OR4N2: variants seen among roughly 807,000 people sequenced by gnomAD.
The protein encoded by OR4N2 is olfactory receptor family 4 subfamily N member 2.
For missense variants in OR4N2, 307 were observed against 377.6 expected, an observed-to-expected ratio of 0.81 and a Z score of 1.55; for synonymous variants, 141 against 140.4, an observed-to-expected ratio of 1.00 and a Z score of -0.03.
chr14:19,815,446 T>A (rs1193033138), intron 1 of OR4N2, among the ~76,000 whole-genome samples: 1 of 152,244 alleles, frequency 6.6e-6, no homozygotes, highest in Non-Finnish European at 1.5e-5. Flanking sequence ...TTTTTTCATA[T>A]GTTTGTTGGC....
At chr14:19,810,178 G>A (rs987852550) in intron 1 of OR4N2, among the ~76,000 whole-genome samples, 2 of 152,186 alleles carry the variant, frequency 1.3e-5, no homozygotes, top group Non-Finnish European at 2.9e-5. Flanking sequence ...TAAAAATTGG[G>A]CAAAGGACAT....
At chr14:19,815,345 C>A (rs977520024) in intron 1 of OR4N2, among the ~76,000 whole-genome samples, 3 of 152,304 alleles carry the variant, frequency 2.0e-5, no homozygotes, top group Non-Finnish European at 4.4e-5. Flanking sequence ...TGTTTCCTGA[C>A]CTTTTAATGA....
chr14:19,830,080 C>T lies in OR4N2; in HGVS notation c.*1708C>T, dbSNP rs1228898350. The T allele has an allele frequency of 6.5e-6, 1 of 152,732 alleles. No individual in the cohort carries two copies. The highest frequency in any genetic ancestry group is 6.5e-5 in the Admixed American group (1 of 15,290). The allele number at this position is 152,732 out of a possible 1,614,324, so 9.5% of individuals were successfully genotyped here. ...ACCCTTCCACCTGTGCACCAGATTCCATCCCCCTCCTCTCTACTAAAGGCA... is the reference window on the plus strand; with the variant it reads ...ACCCTTCCACCTGTGCACCAGATTCTATCCCCCTCCTCTCTACTAAAGGCA... On this transcript the variant is annotated 3_prime_UTR_variant, in exon 2 of 2. Coordinates refer to ENST00000557677, the MANE Select transcript of OR4N2 (RefSeq NM_001004723.3).
At chr14:19,817,983 T>A (rs539653828) in intron 1 of OR4N2, among the ~76,000 whole-genome samples, 21 of 152,386 alleles carry the variant, frequency 1.4e-4, no homozygotes, top group African/African-American at 5.0e-4. Context: ...TCAGTTTCCA[T>A]GTGTTGTGCG....
chr14:19,823,911 C>A (rs1435231982), intron 1 of OR4N2, among the ~76,000 whole-genome samples: 1 of 152,224 alleles, frequency 6.6e-6, no homozygotes, highest in African/African-American at 2.4e-5. Context: ...GCTCCAGGAG[C>A]TCATCTGACC....
rs180836253 is a variant in OR4N2 at position 19,823,309 on chromosome 14, T to A, written c.-9-4131T>A. Among the ~76,000 whole-genome samples, 1,398 of 151,748 alleles carry A rather than the reference T, an allele frequency of 9.2e-3. 2 individuals are homozygous for A. Among genetic ancestry groups the A allele is most frequent in the South Asian group, 0.022 (106 of 4,806 alleles). On this transcript the variant is annotated intron_variant, in intron 1 of 1. Coordinates refer to ENST00000557677, the MANE Select transcript of OR4N2 (RefSeq NM_001004723.3). ...ACTAATGAAATTAACTTCTTTTTTT[T>A]AAAAAAAAGGTGAATCATCTCATTT...
At chr14:19,811,994 C>T (rs1233191413) in intron 1 of OR4N2, among the ~76,000 whole-genome samples, 1 of 152,172 alleles carries the variant, frequency 6.6e-6, no homozygotes, top group South Asian at 2.1e-4. Context: ...AAATAAAAAT[C>T]TATTTATTCA....
intron 1 of OR4N2, among the ~76,000 whole-genome samples, chr14:19,809,343 C>G (rs1385750088): frequency 2.6e-5 from 4 of 152,092 alleles, no homozygotes; most frequent in Non-Finnish European, 4.4e-5. Context: ...CAACAAAAAC[C>G]AGAGTTGACA....
chr14:19,827,621 C>G lies in OR4N2; in HGVS notation c.173C>G (p.Pro58Arg). The G allele has an allele frequency of 6.2e-7, 1 of 1,614,068 alleles. No individual in the cohort carries two copies. Among genetic ancestry groups the G allele is most frequent in the Non-Finnish European group, 8.5e-7 (1 of 1,179,940 alleles). Residue 58 changes from proline to arginine, a missense_variant, in exon 2 of 2, where the codon CCC becomes CGC. Pro to Arg is a moderately radical substitution (Grantham distance 103). Transcript: ENST00000557677. Reference protein sequence around the residue: ...TIKSDPGLTAPLYFFLGNLAF... With the variant: ...TIKSDPGLTARLYFFLGNLAF... The stretch of plus-strand genomic sequence containing the variant: ...AAGTCAGACCCTGGGCTCACAGCCC[C>G]CCTCTATTTCTTTCTGGGCAACTTG...
rs1475266877 is a variant in OR4N2 at position 19,827,327 on chromosome 14, ATGT to A, written c.-9-108_-9-106del. The A allele has an allele frequency of 1.5e-5, 13 of 875,402 alleles. No individual in the cohort carries two copies. The East Asian group carries it at 2.3e-4, about 15-fold the overall frequency. The allele number at this position is 875,402 out of a possible 1,614,324, so 54.2% of individuals were successfully genotyped here. A position where few individuals can be genotyped will look rare whatever the true frequency, so the allele number is the denominator to read the frequency against. ...CCCCAGAATAGGAGAGGGATGGGAA[ATGT>A]TGTTTTTAGCTGAAGTACTGCATGT... On this transcript the variant is annotated intron_variant, in intron 1 of 1. Transcript: ENST00000557677.
intron 1 of OR4N2, among the ~76,000 whole-genome samples, chr14:19,816,510 T>A (rs1470751847): frequency 6.6e-6 from 1 of 152,270 alleles, no homozygotes; most frequent in African/African-American, 2.4e-5. Flanking sequence ...ATTAATGGTG[T>A]ATAGGAATGT....
intron 1 of OR4N2, among the ~76,000 whole-genome samples, chr14:19,821,210 G>A (rs951539516): frequency 3.3e-5 from 5 of 152,242 alleles, no homozygotes; most frequent in African/African-American, 7.2e-5. Flanking sequence ...CCACTTCCCC[G>A]GTGATGTGAT....
intron 1 of OR4N2, among the ~76,000 whole-genome samples, chr14:19,827,203 GA>G (rs1470406358): frequency 1.3e-5 from 2 of 152,276 alleles, no homozygotes; most frequent in Non-Finnish European, 2.9e-5. Flanking sequence ...TGATTCTGTA[GA>G]AGCACATGGT....
At chr14:19,821,023 C>T (rs1879552117) in intron 1 of OR4N2, among the ~76,000 whole-genome samples, 2 of 152,256 alleles carry the variant, frequency 1.3e-5, no homozygotes, top group Admixed American at 1.3e-4. Flanking sequence ...CAAATGGCTG[C>T]CTAGTTTTGT....
At chr14:19,809,439 C>G (rs1304426596) in intron 1 of OR4N2, among the ~76,000 whole-genome samples, 2 of 152,164 alleles carry the variant, frequency 1.3e-5, no homozygotes, top group Non-Finnish European at 2.9e-5. Flanking sequence ...AAAATATTCA[C>G]AAGCTATGAT....
chr14:19,826,984 G>A (rs1211126395), intron 1 of OR4N2, among the ~76,000 whole-genome samples: 5 of 152,240 alleles, frequency 3.3e-5, no homozygotes, highest in Admixed American at 3.3e-4. Context: ...ATTGAGGGAA[G>A]AAAATGTCTA....
At chr14:19,820,349 A>C (rs7143863) in intron 1 of OR4N2, among the ~76,000 whole-genome samples, 41,286 of 148,850 alleles carry the variant, frequency 0.28, 2,847 homozygotes, top group African/African-American at 0.33. Flanking sequence ...TCTGCTCTTA[A>C]TTCTCTAGTT....
chr14:19,823,159 T>C (rs541397945), intron 1 of OR4N2, among the ~76,000 whole-genome samples: 1 of 152,368 alleles, frequency 6.6e-6, no homozygotes, highest in South Asian at 2.1e-4. Context: ...TTTTAGAAAA[T>C]ATAAAACTTA....
chr14:19,809,894 A>G (rs529860765), intron 1 of OR4N2, among the ~76,000 whole-genome samples: 2 of 152,328 alleles, frequency 1.3e-5, no homozygotes, highest in East Asian at 3.9e-4. Context: ...AACTGTAAAA[A>G]CCCCAGAAGA....
Sources: gnomAD v4.1 joint callset for allele counts (sites outside exome capture counted in the v4.1 genomes callset) on GRCh38, gnomAD v4.1.1 for gene constraint, MANE v1.5 for transcripts, NCBI Gene and HGNC (gene_info 2026-07-23, HGNC 2026-07-21) for gene names.